The following CFAP20DC variants were observed in gnomAD, a reference collection of about 807,000 sequenced individuals.
The protein encoded by CFAP20DC is protein CFAP20DC.
Under a neutral mutation model 101.7 loss-of-function variants are expected in CFAP20DC, and 84 were observed. The ratio of observed to expected loss-of-function variants is 0.83; its 90% CI spans 0.69 to 0.99. The LOEUF is 0.99. Ranked by LOEUF, CFAP20DC falls within the 50% of genes least tolerant of loss-of-function variation. The pLI, the probability that CFAP20DC is intolerant of heterozygous loss-of-function variation, is 0.00. For missense variants in CFAP20DC, 1,007 were observed against 970.3 expected (o/e 1.04, Z -0.50); for synonymous variants, 359 against 351.2 (o/e 1.02, Z -0.25).
chr3:58,916,302 A>T (rs1470704176), intron 5 of CFAP20DC, among the ~76,000 whole-genome samples: 1 of 151,592 alleles, frequency 6.6e-6, no homozygotes, highest in African/African-American at 2.4e-5. Context: ...CCCCTTTATT[A>T]CCTGTTTAGA....
At chr3:58,972,310 G>A (rs1015524836) in intron 4 of CFAP20DC, among the ~76,000 whole-genome samples, 1 of 152,054 alleles carries the variant, frequency 6.6e-6, no homozygotes, top group African/African-American at 2.4e-5. Context: ...AATATGAGTG[G>A]ACATTTTGTC....
At chr3:58,961,913 AT>A (rs1390754504) in intron 4 of CFAP20DC, among the ~76,000 whole-genome samples, 1 of 151,764 alleles carries the variant, frequency 6.6e-6, no homozygotes, top group African/African-American at 2.4e-5. Context: ...CTCCTCTCTT[AT>A]TTTCTTGGAC....
chr3:59,005,260 C>G (rs535275904), intron 4 of CFAP20DC, among the ~76,000 whole-genome samples: 162 of 152,254 alleles, frequency 1.1e-3, no homozygotes, highest in African/African-American at 3.7e-3. Context: ...GTGGAGCAGA[C>G]CTTACTCCAA....
intron 4 of CFAP20DC, among the ~76,000 whole-genome samples, chr3:58,989,649 GATAAA>G (rs141906276): frequency 6.6e-6 from 1 of 152,208 alleles, no homozygotes; most frequent in East Asian, 1.9e-4. Context: ...TACTGCTTTA[GATAAA>G]ATAAACAGAG....
rs1293695766 is a variant in CFAP20DC at position 58,717,579 on chromosome 3, G to A, written c.*9C>T. 1 of 453,264 alleles carries A rather than the reference G, an allele frequency of 2.2e-6. No homozygotes were observed. The highest frequency in any genetic ancestry group is 1.6e-5 in the South Asian group (1 of 63,538). The allele number at this position is 453,264 out of a possible 1,614,324, so 28.1% of individuals were successfully genotyped here. A position where few individuals can be genotyped will look rare whatever the true frequency, so the allele number is the denominator to read the frequency against. ...TTGTCCTGATATCTTTAGAGTGTGAGTTTTGCCTTCACAGTTGCAAAATGG... is the reference window on the plus strand; with the variant it reads ...TTGTCCTGATATCTTTAGAGTGTGAATTTTGCCTTCACAGTTGCAAAATGG... On this transcript the variant is annotated 3_prime_UTR_variant, in exon 4 of 4. Transcript: ENST00000486145. This position sits in a 1 kb window ranked among gnomAD's most constrained non-coding sequence, Gnocchi z 4.1.
In CFAP20DC at chr3:58,899,524, C is replaced by T. The variant is rs1185793494; in HGVS notation, c.550+14184G>A. 6.6e-6 allele frequency among the ~76,000 whole-genome samples: 1 copy of T among 152,168 alleles called. No homozygotes were observed. Among genetic ancestry groups the T allele is most frequent in the Non-Finnish European group, 1.5e-5 (1 of 68,032 alleles). ...CTGAGAATCCTGGGGGTGGAGTATG[C>T]AAAACTCCTGGGTCTCTGTGTGTGC... On this transcript the variant is annotated intron_variant, in intron 6 of 16. Transcript: ENST00000482387. This position sits in a 1 kb window ranked among gnomAD's most constrained non-coding sequence, Gnocchi z 5.0.
At chr3:58,834,676 G>A (rs1173106874) in intron 13 of CFAP20DC, among the ~76,000 whole-genome samples, 1 of 151,978 alleles carries the variant, frequency 6.6e-6, no homozygotes, top group Non-Finnish European at 1.5e-5. Flanking sequence ...CTTCATCATG[G>A]GGACCACAGT....
chr3:58,801,401 A>G (rs1229645325), intron 15 of CFAP20DC, among the ~76,000 whole-genome samples: 1 of 152,238 alleles, frequency 6.6e-6, no homozygotes, highest in African/African-American at 2.4e-5. Context: ...TGCTTAGTTA[A>G]TAAGGAAATC....
intron 5 of CFAP20DC, among the ~76,000 whole-genome samples, chr3:58,924,831 T>A (rs773291638): frequency 6.6e-6 from 1 of 152,116 alleles, no homozygotes; most frequent in East Asian, 1.9e-4. Flanking sequence ...CGATTATTGA[T>A]GTGGAGGATT....
intron 3 of CFAP20DC, chr3:58,727,962 T>G (rs1039672614): frequency 6.6e-6 from 1 of 152,242 alleles, no homozygotes; most frequent in African/African-American, 2.4e-5. Flanking sequence ...CACCTGGAAG[T>G]GCATCACTTC....
chr3:58,814,316 C>T (rs2074936691), intron 14 of CFAP20DC, among the ~76,000 whole-genome samples: 1 of 151,826 alleles, frequency 6.6e-6, no homozygotes, highest in Non-Finnish European at 1.5e-5. Flanking sequence ...TTGCTTTAGA[C>T]TAAAAACTCT....
intron 4 of CFAP20DC, among the ~76,000 whole-genome samples, chr3:58,947,632 T>G (rs1479948027): frequency 6.6e-6 from 1 of 152,304 alleles, no homozygotes; most frequent in South Asian, 2.1e-4. Context: ...TCTCCAATTC[T>G]TGTGAGTTTT....
intron 6 of CFAP20DC, among the ~76,000 whole-genome samples, chr3:58,889,776 A>G (rs1359175912): frequency 7.3e-6 from 1 of 136,432 alleles, no homozygotes. Flanking sequence ...GCTGCCTTCA[A>G]GCATGTGTTT....
At chr3:58,939,705 G>A (rs1400107225) in intron 4 of CFAP20DC, among the ~76,000 whole-genome samples, 1 of 149,880 alleles carries the variant, frequency 6.7e-6, no homozygotes, top group Admixed American at 6.7e-5. Flanking sequence ...TGATCCGCCT[G>A]CCTCGCCCTC....
downstream of CFAP20DC, among the ~76,000 whole-genome samples, chr3:58,739,372 C>T (rs1452495032): frequency 6.6e-6 from 1 of 152,184 alleles, no homozygotes; most frequent in Non-Finnish European, 1.5e-5. Context: ...CAAACTGATA[C>T]CAAATTATCT....
At chr3:58,808,051 A>C in intron 14 of CFAP20DC, among the ~76,000 whole-genome samples, 1 of 152,210 alleles carries the variant, frequency 6.6e-6, no homozygotes, top group Admixed American at 6.5e-5. Flanking sequence ...CCTCCAAGAA[A>C]TATGGGACTA....
At chr3:58,903,117 T>C (rs993100739) in intron 6 of CFAP20DC, among the ~76,000 whole-genome samples, 5 of 152,222 alleles carry the variant, frequency 3.3e-5, no homozygotes, top group African/African-American at 9.6e-5. Context: ...CTTCACTTTC[T>C]TGATGGTGTT....
At chr3:58,993,190 C>T (rs2092998016) in intron 4 of CFAP20DC, among the ~76,000 whole-genome samples, 1 of 152,100 alleles carries the variant, frequency 6.6e-6, no homozygotes, top group South Asian at 2.1e-4. Flanking sequence ...ATGCATTATT[C>T]CCTTCATTTT....
downstream of CFAP20DC, among the ~76,000 whole-genome samples, chr3:58,740,592 CA>C (rs1262649705): frequency 1.3e-5 from 2 of 152,188 alleles, no homozygotes; most frequent in Non-Finnish European, 2.9e-5. The surrounding 1 kb of genome is among the most constrained non-coding windows in gnomAD (Gnocchi z 4.6). Context: ...GAGTTCACTA[CA>C]GTCCTCTAGG....
Sources: allele counts gnomAD v4.1 joint callset (sites outside exome capture counted in the v4.1 genomes callset), GRCh38; gene constraint gnomAD v4.1.1; non-coding constraint Gnocchi (gnomAD v3.1); transcripts MANE v1.5; gene names NCBI Gene and HGNC (gene_info 2026-07-23, HGNC 2026-07-21).